GRAMD4: variants seen among roughly 807,000 people sequenced by gnomAD.
The protein encoded by GRAMD4 is GRAM domain-containing protein 4.
A neutral mutation model predicts 83.9 loss-of-function variants in GRAMD4; 25 were observed. The observed-to-expected ratio is 0.30, with a 90% CI of 0.22 to 0.42. GRAMD4 has a LOEUF of 0.42. Among genes scored for constraint, GRAMD4 ranks in the 10% least tolerant of loss-of-function variants. The probability of loss-of-function intolerance (pLI) is 1.00; values close to 1 mark genes in which losing one functional copy is unlikely to be tolerated. For synonymous variants in GRAMD4, 336 were observed against 320.9 expected, an observed-to-expected ratio of 1.05 and a Z score of -0.50; for missense variants, 593 against 788.7, an observed-to-expected ratio of 0.75 and a Z score of 2.97.
chr22:46,661,854 T>TG (rs1229656743), intron 5 of GRAMD4, among the ~76,000 whole-genome samples: 2 of 152,086 alleles, frequency 1.3e-5, no homozygotes, highest in Admixed American at 6.5e-5. Flanking sequence ...TGGCTGTGAG[T>TG]GGGGAGTTGG....
At chr22:46,611,921 C>T (rs1281892124) in intron 1 of GRAMD4, among the ~76,000 whole-genome samples, 1 of 133,884 alleles carries the variant, frequency 7.5e-6, no homozygotes, top group African/African-American at 2.8e-5. Context: ...GGTGTGAACC[C>T]GGGAAGCGGA....
intron 2 of GRAMD4, among the ~76,000 whole-genome samples, chr22:46,632,079 C>T (rs985208922): frequency 4.6e-5 from 7 of 152,274 alleles, no homozygotes; most frequent in Non-Finnish European, 1.0e-4. Context: ...CCGCTTCATT[C>T]CTGCTTCCTT....
At chr22:46,588,379 A>T (rs2081172270) in intron 1 of GRAMD4, among the ~76,000 whole-genome samples, 1 of 152,098 alleles carries the variant, frequency 6.6e-6, no homozygotes, top group Non-Finnish European at 1.5e-5. Flanking sequence ...AAGGGCAGGG[A>T]GGTGGCAGGC....
At chr22:46,648,195 T>G (rs1049815812) in intron 3 of GRAMD4, among the ~76,000 whole-genome samples, 1 of 150,790 alleles carries the variant, frequency 6.6e-6, no homozygotes, top group Non-Finnish European at 1.5e-5. Flanking sequence ...AGTGGACATG[T>G]AGATGGATGG....
rs924823902 is a variant in GRAMD4, at chr22:46,677,681, G to T, written c.*430G>T. On this transcript the variant is annotated 3_prime_UTR_variant, in exon 19 of 19. Coordinates refer to ENST00000406902, the MANE Select transcript of GRAMD4 (RefSeq NM_015124.5). The stretch of plus-strand genomic sequence containing the variant: ...CCACCACCAAAGCCATAGCTGAAGA[G>T]TGCGGGGCCCTTCCTCCTGGGGACA... The T allele has an allele frequency of 1.3e-4, 127 of 988,898 alleles. No individual in the cohort carries two copies. The African/African-American group carries it at 2.1e-3, about 17-fold the overall frequency. 61.3% of individuals were successfully genotyped at this position (988,898 alleles called of 1,614,324 possible).
At chr22:46,599,692 T>C (rs780073265) in intron 1 of GRAMD4, among the ~76,000 whole-genome samples, 8 of 152,200 alleles carry the variant, frequency 5.3e-5, no homozygotes, top group Non-Finnish European at 1.0e-4. Flanking sequence ...CTGCATTTAA[T>C]GTATTAGCTC....
intron 3 of GRAMD4, among the ~76,000 whole-genome samples, chr22:46,650,137 G>T (rs1167898624): frequency 6.6e-6 from 1 of 152,234 alleles, no homozygotes; most frequent in Non-Finnish European, 1.5e-5. Context: ...CTGGCCTGGT[G>T]GGAAGGAGTT....
At chr22:46,587,475 T>G (rs9616068) in intron 1 of GRAMD4, among the ~76,000 whole-genome samples, 1 of 151,070 alleles carries the variant, frequency 6.6e-6, no homozygotes, top group African/African-American at 2.4e-5. Flanking sequence ...TGCCCAGGTT[T>G]GTGTCTTCTG....
intron 2 of GRAMD4, among the ~76,000 whole-genome samples, chr22:46,633,998 C>T (rs1435818601): frequency 1.3e-5 from 2 of 152,262 alleles, no homozygotes; most frequent in East Asian, 1.9e-4. Flanking sequence ...AGGCCTGTCT[C>T]ACCCCCGGGT....
chr22:46,660,086 G>C (rs925256511), intron 4 of GRAMD4, among the ~76,000 whole-genome samples: 15 of 152,094 alleles, frequency 9.9e-5, no homozygotes, highest in African/African-American at 3.4e-4. Context: ...TCTCACTCCC[G>C]CCAGCCCCAC....
chr22:46,658,536 G>A (rs747421637), intron 4 of GRAMD4, among the ~76,000 whole-genome samples: 9 of 152,086 alleles, frequency 5.9e-5, no homozygotes, highest in Non-Finnish European at 1.0e-4. Flanking sequence ...TGCCTCTGGC[G>A]GTCTGGAAAA....
chr22:46,639,288 G>GTGTGCCTGTGTGCAGCGGTGGT (rs2081938526), intron 3 of GRAMD4, among the ~76,000 whole-genome samples: 1 of 84,300 alleles, frequency 1.2e-5, no homozygotes, highest in Non-Finnish European at 2.8e-5. Flanking sequence ...GTGCGTGCCT[G>GTGTGCCTGTGTGCAGCGGTGGT]TGTGCCTGTG....
chr22:46,594,072 G>A (rs980959225), intron 1 of GRAMD4, among the ~76,000 whole-genome samples: 4 of 151,458 alleles, frequency 2.6e-5, no homozygotes, highest in East Asian at 2.0e-4. Context: ...TGGGCTCACC[G>A]TCAAGCAGAA....
chr22:46,668,644 C>T (rs2082449712), intron 11 of GRAMD4, 45 bp from the exon 12 acceptor site: 2 of 1,583,934 alleles, frequency 1.3e-6, no homozygotes, highest in Non-Finnish European at 8.7e-7. Flanking sequence ...TGACTGACAG[C>T]CCAGGAGCGG....
intron 3 of GRAMD4, among the ~76,000 whole-genome samples, chr22:46,648,771 G>C (rs866039689): frequency 3.0e-5 from 3 of 98,530 alleles, no homozygotes; most frequent in African/African-American, 3.9e-5. Flanking sequence ...TGGATGCATG[G>C]ATGGATGGAT....
At chr22:46,583,753 C>G in intron 1 of GRAMD4, among the ~76,000 whole-genome samples, 1 of 152,256 alleles carries the variant, frequency 6.6e-6, no homozygotes, top group East Asian at 1.9e-4. Flanking sequence ...CGATGTGGCC[C>G]GCGGCTACTG....
intron 13 of GRAMD4, among the ~76,000 whole-genome samples, chr22:46,671,788 C>A (rs1198940508): frequency 6.6e-6 from 1 of 152,132 alleles, no homozygotes; most frequent in Non-Finnish European, 1.5e-5. Flanking sequence ...GAGCTGAGAT[C>A]AAGCCATTGC....
In GRAMD4 at chr22:46,674,761, C is replaced by A. The variant is rs1168639284; in HGVS notation, c.1478+11C>A. The A allele has an allele frequency of 6.3e-7, 1 of 1,580,354 alleles. No individual in the cohort carries two copies. Among genetic ancestry groups the A allele is most frequent in the Non-Finnish European group, 8.7e-7 (1 of 1,150,402 alleles). The stretch of plus-strand genomic sequence containing the variant: ...CTACGTCACGGAGAAGTGAGTGCAG[C>A]CGTGGGGCCCTGTGTGGCTGCAGGG... On this transcript the variant is annotated intron_variant, in intron 16 of 18. Transcript: ENST00000406902.
chr22:46,655,430 G>T (rs1176669400), intron 3 of GRAMD4, among the ~76,000 whole-genome samples: 1 of 152,194 alleles, frequency 6.6e-6, no homozygotes, highest in Non-Finnish European at 1.5e-5. Context: ...TGTGCCAGGA[G>T]CTGGGAGGCC....
Sources: gnomAD v4.1 joint callset for allele counts (sites outside exome capture counted in the v4.1 genomes callset) on GRCh38, gnomAD v4.1.1 for gene constraint, MANE v1.5 for transcripts, NCBI Gene and HGNC (gene_info 2026-07-23, HGNC 2026-07-21) for gene names.